Variants in ABCB7 observed in about 807,000 individuals in gnomAD.
The protein encoded by ABCB7 is ATP binding cassette subfamily B member 7, also known as iron-sulfur clusters transporter ABCB7, mitochondrial.
Under a neutral mutation model 54.4 loss-of-function variants are expected in ABCB7, and 7 were observed. The observed-to-expected ratio is 0.13, with a 90% CI of 0.07 to 0.24. The LOEUF is 0.24. Among genes scored for constraint, ABCB7 ranks in the 10% least tolerant of loss-of-function variants. The probability of loss-of-function intolerance (pLI) is 1.00; values close to 1 mark genes in which losing one functional copy is unlikely to be tolerated. For missense variants in ABCB7, 356 were observed against 570.4 expected (o/e 0.62, Z 3.83); for synonymous variants, 218 against 207.1 (o/e 1.05, Z -0.45).
At chrX:75,095,049 G>C (rs955095681) in intron 4 of ABCB7, among the ~76,000 whole-genome samples, 3 of 110,218 alleles carry the variant, frequency 2.7e-5, no homozygotes, top group Non-Finnish European at 5.7e-5. Flanking sequence ...ATAGCCTTAA[G>C]ACCCTCAGAA....
intron 1 of ABCB7, among the ~76,000 whole-genome samples, chrX:75,140,054 T>C (rs915126334): frequency 2.7e-5 from 3 of 111,240 alleles, no homozygotes; most frequent in African/African-American, 9.8e-5. Context: ...TTATATAATA[T>C]GATGATATTG....
intron 1 of ABCB7, among the ~76,000 whole-genome samples, chrX:75,143,449 T>G (rs2082069231): frequency 8.9e-6 from 1 of 111,739 alleles, no homozygotes; most frequent in African/African-American, 3.3e-5. Context: ...TCCCACATTT[T>G]CCTGTCTTCT....
At chrX:75,076,690 C>G in intron 4 of ABCB7, 36 bp from the exon 5 acceptor site, 1 of 1,166,927 alleles carries the variant, frequency 8.6e-7, no homozygotes, top group Non-Finnish European at 1.2e-6. Context: ...CCATTATACA[C>G]AAAATACTTA....
intron 1 of ABCB7, among the ~76,000 whole-genome samples, chrX:75,137,486 C>T (rs769596336): frequency 8.9e-6 from 1 of 112,365 alleles, no homozygotes; most frequent in East Asian, 2.8e-4. Flanking sequence ...TCTCAAAGAA[C>T]TTAAAACAGA....
chrX:75,086,797 G>C (rs1015451471), intron 4 of ABCB7, among the ~76,000 whole-genome samples: 1 of 111,411 alleles, frequency 9.0e-6, no homozygotes, highest in African/African-American at 3.3e-5. Flanking sequence ...AAACAAACAG[G>C]ATCTGAGAAA....
intron 10 of ABCB7, 148 bp from the exon 11 acceptor site, chrX:75,069,602 T>A: frequency 3.3e-6 from 2 of 610,924 alleles, no homozygotes; most frequent in Non-Finnish European, 5.0e-6. Context: ...AGCATGCATT[T>A]AAAGATTTGT....
At chrX:75,087,157 C>A (rs1397740352) in intron 4 of ABCB7, among the ~76,000 whole-genome samples, 2 of 111,797 alleles carry the variant, frequency 1.8e-5, no homozygotes, top group Non-Finnish European at 3.8e-5. Flanking sequence ...ATGGAGCAAC[C>A]ATTTTCCTGT....
chrX:75,084,402 G>GA (rs956638720), intron 4 of ABCB7, among the ~76,000 whole-genome samples: 1 of 111,468 alleles, frequency 9.0e-6, no homozygotes, highest in Non-Finnish European at 1.9e-5. Flanking sequence ...GGAACAATTG[G>GA]AAAAAAATTT....
intron 1 of ABCB7, among the ~76,000 whole-genome samples, chrX:75,140,865 C>T (rs1018693198): frequency 9.0e-6 from 1 of 111,446 alleles, no homozygotes; most frequent in African/African-American, 3.3e-5. Context: ...CAAACCAAGA[C>T]CAAATGTTTC....
intron 1 of ABCB7, 48 bp downstream of exon 1, chrX:75,156,057 A>C: frequency 8.4e-7 from 1 of 1,195,769 alleles, no homozygotes. Context: ...TTTTCCCTAC[A>C]GGTCCCCTTG....
chrX:75,115,412 T>C (rs2081806639), intron 1 of ABCB7, among the ~76,000 whole-genome samples: 1 of 80,439 alleles, frequency 1.2e-5, no homozygotes, highest in South Asian at 6.5e-4. Context: ...TCTCTTTTCT[T>C]TTTTTTTTTT....
At chrX:75,055,176 G>C (rs1237092708) in intron 15 of ABCB7, among the ~76,000 whole-genome samples, 1 of 110,609 alleles carries the variant, frequency 9.0e-6, no homozygotes, top group Non-Finnish European at 1.9e-5. Flanking sequence ...AATATTTCAA[G>C]AGTGACACAA....
At chrX:75,154,661 C>T (rs890944629) in intron 1 of ABCB7, among the ~76,000 whole-genome samples, 5 of 111,854 alleles carry the variant, frequency 4.5e-5, no homozygotes, top group Admixed American at 9.5e-5. Flanking sequence ...AACTGGCTAA[C>T]TTCTAATTTT....
At chrX:75,131,987 T>C (rs900062742) in intron 1 of ABCB7, among the ~76,000 whole-genome samples, 7 of 111,919 alleles carry the variant, frequency 6.3e-5, no homozygotes, top group Admixed American at 2.8e-4. Flanking sequence ...GCAGCCACCA[T>C]ACAGAGGAGC....
intron 1 of ABCB7, among the ~76,000 whole-genome samples, chrX:75,129,143 A>G (rs2081956321): frequency 8.9e-6 from 1 of 112,108 alleles, no homozygotes. Context: ...AGACACATGC[A>G]CACGTATGTT....
intron 1 of ABCB7, among the ~76,000 whole-genome samples, chrX:75,127,642 A>C (rs1488380686): frequency 8.9e-6 from 1 of 111,787 alleles, no homozygotes; most frequent in East Asian, 2.8e-4. Context: ...AAATGACATG[A>C]CTGTATCTTT....
intron 3 of ABCB7, among the ~76,000 whole-genome samples, chrX:75,108,865 A>T (rs2081730372): frequency 9.0e-6 from 1 of 111,654 alleles, no homozygotes; most frequent in Non-Finnish European, 1.9e-5. Flanking sequence ...CATGATGGGA[A>T]ATTCTTATTA....
chrX:75,130,665 G>C (rs1247559598), intron 1 of ABCB7, among the ~76,000 whole-genome samples: 1 of 111,635 alleles, frequency 9.0e-6, no homozygotes, highest in Non-Finnish European at 1.9e-5. Flanking sequence ...TTTCCATAGG[G>C]TCCTCTGTTG....
At chrX:75,134,602 A>T (rs1364595529) in intron 1 of ABCB7, among the ~76,000 whole-genome samples, 1 of 112,118 alleles carries the variant, frequency 8.9e-6, no homozygotes, top group Admixed American at 9.4e-5. Flanking sequence ...CAAATTCAAA[A>T]AAGCTGAAAT....
Sources: gnomAD v4.1 joint callset for allele counts (sites outside exome capture counted in the v4.1 genomes callset) on GRCh38, gnomAD v4.1.1 for gene constraint, MANE v1.5 for transcripts, NCBI Gene and HGNC (gene_info 2026-07-23, HGNC 2026-07-21) for gene names.